ITPR1: variants seen among roughly 807,000 people sequenced by gnomAD.
ITPR1 encodes inositol 1,4,5-trisphosphate-gated calcium channel ITPR1.
A neutral mutation model predicts 318.4 loss-of-function variants in ITPR1; 96 were observed. The observed-to-expected ratio is 0.30, with a 90% CI of 0.26 to 0.36. ITPR1 has a LOEUF of 0.36. Among genes scored for constraint, ITPR1 ranks in the 10% least tolerant of loss-of-function variants. ITPR1 has a pLI of 1.00. For synonymous variants in ITPR1, 1,312 were observed against 1,289.9 expected (o/e 1.02, Z -0.37); for missense variants, 2,440 against 3,460.2 (o/e 0.71, Z 7.40).
At chr3:4,676,839 C>G in intron 24 of ITPR1, 38 bp downstream of exon 24, 3 of 1,505,024 alleles carry the variant, frequency 2.0e-6, no homozygotes, top group Non-Finnish European at 2.7e-6. Flanking sequence ...GAGGGTATGT[C>G]ACAGAGGCGC....
At chr3:4,793,275 C>T (rs540353053) in intron 52 of ITPR1, among the ~76,000 whole-genome samples, 1 of 152,184 alleles carries the variant, frequency 6.6e-6, no homozygotes, top group Non-Finnish European at 1.5e-5. Flanking sequence ...CTGCAGTACA[C>T]GCACTCACAT....
At chr3:4,621,616 T>A (rs1575761726) in intron 4 of ITPR1, among the ~76,000 whole-genome samples, 1 of 152,236 alleles carries the variant, frequency 6.6e-6, no homozygotes, top group East Asian at 1.9e-4. Flanking sequence ...TTGTGTGGTT[T>A]CCTACTGTGT....
intron 40 of ITPR1, among the ~76,000 whole-genome samples, chr3:4,723,960 A>G (rs967495405): frequency 1.3e-5 from 2 of 152,172 alleles, no homozygotes; most frequent in Non-Finnish European, 2.9e-5. Context: ...CACAGTTTTA[A>G]TTCTTTAGCA....
Position 4,521,078 on chromosome 3 carries a change from A to T in ITPR1, c.147A>T (p.Pro49=). 6.2e-7 allele frequency: 1 copy of T among 1,613,332 alleles called. No individual in the cohort carries two copies. The highest frequency in any genetic ancestry group is 2.2e-5 in the East Asian group (1 of 44,856). ...VQPETGDLNN[P]PKKFRDCLFK... ...CAGAAACCGGGGACCTTAACAATCCACCTAAGAAATTCAGAGGTAAGGTGG... is the reference window on the plus strand; with the variant it reads ...CAGAAACCGGGGACCTTAACAATCCTCCTAAGAAATTCAGAGGTAAGGTGG... Residue 49 remains proline (P), a synonymous_variant, in exon 4 of 62, where the codon CCA becomes CCT. Coordinates refer to ENST00000649015, the MANE Select transcript of ITPR1 (RefSeq NM_001378452.1).
Position 4,836,861 on chromosome 3 carries a change from C to A in ITPR1, c.8116C>A (p.Leu2706Met). ...SEGEQNELRN[L>M]QEKLESTMKL... Reference sequence around the variant, plus strand: ...AGGAGAACAGAATGAGCTGAGAAACCTGCAGGAGAAGCTGGAGTCCACCAT... The same window carrying A: ...AGGAGAACAGAATGAGCTGAGAAACATGCAGGAGAAGCTGGAGTCCACCAT... Residue 2706 changes from leucine (L) to methionine (M), a missense_variant, in exon 61 of 62, where the codon CTG becomes ATG. Coordinates refer to ENST00000649015, the MANE Select transcript of ITPR1 (RefSeq NM_001378452.1). 6.3e-7 allele frequency: 1 copy of A among 1,595,370 alleles called. No homozygotes were observed. The highest frequency in any genetic ancestry group is 2.2e-5 in the East Asian group (1 of 44,708).
chr3:4,537,030 C>T (rs1357396786), intron 4 of ITPR1, among the ~76,000 whole-genome samples: 11 of 152,196 alleles, frequency 7.2e-5, no homozygotes, highest in Admixed American at 7.2e-4. Context: ...AACACAGATT[C>T]AGGCATTTGA....
At chr3:4,639,305 G>T in intron 5 of ITPR1, 79 bp from the exon 6 acceptor site, 1 of 1,077,150 alleles carries the variant, frequency 9.3e-7, no homozygotes, top group South Asian at 1.4e-5. Context: ...ATGAACTGGC[G>T]ACATTTGTTC....
At chr3:4,700,752 A>G (rs2094635481) in intron 35 of ITPR1, among the ~76,000 whole-genome samples, 1 of 152,172 alleles carries the variant, frequency 6.6e-6, no homozygotes, top group Non-Finnish European at 1.5e-5. Context: ...GACATACCCG[A>G]TACTGGGCAA....
rs150933996 is a variant in ITPR1, at chr3:4,626,650, C to G, written c.164-1113C>G. Among the ~76,000 whole-genome samples, 295 of 152,138 alleles carry G rather than the reference C, an allele frequency of 1.9e-3. 1 individual carries two copies. The highest frequency in any genetic ancestry group is 6.9e-3 in the African/African-American group (288 of 41,468). ...AGACAATGTATAAAGTTGTATAAACCGAGGCATGCTAAATGGAAGCACATC... is the reference window on the plus strand; with the variant it reads ...AGACAATGTATAAAGTTGTATAAACGGAGGCATGCTAAATGGAAGCACATC... On this transcript the variant is annotated intron_variant, in intron 4 of 61. Coordinates refer to ENST00000649015, the MANE Select transcript of ITPR1 (RefSeq NM_001378452.1).
chr3:4,494,106 G>A (rs2080361945), intron 1 of ITPR1, among the ~76,000 whole-genome samples: 1 of 152,242 alleles, frequency 6.6e-6, no homozygotes, highest in Non-Finnish European at 1.5e-5. Flanking sequence ...CAATGAGGAT[G>A]CGGGCTTCGG....
chr3:4,589,303 G>C (rs6442889), intron 4 of ITPR1, among the ~76,000 whole-genome samples: 1 of 151,824 alleles, frequency 6.6e-6, no homozygotes, highest in South Asian at 2.1e-4. Context: ...CTCTTATTTC[G>C]TGAAAAAACA....
chr3:4,571,304 ACTT>A (rs1341536951), intron 4 of ITPR1, among the ~76,000 whole-genome samples: 1 of 151,874 alleles, frequency 6.6e-6, no homozygotes, highest in Non-Finnish European at 1.5e-5. Flanking sequence ...ACGTAATTTC[ACTT>A]CTTTTTCTTT....
chr3:4,541,444 AT>A (rs954221635), intron 4 of ITPR1, among the ~76,000 whole-genome samples: 29 of 150,204 alleles, frequency 1.9e-4, no homozygotes, highest in Middle Eastern at 3.4e-3. Context: ...CTTGCTCAGT[AT>A]TTTTTTTTCC....
intron 15 of ITPR1, among the ~76,000 whole-genome samples, 173 bp downstream of exon 15, chr3:4,662,415 A>AT (rs2093854247): frequency 6.6e-6 from 1 of 152,146 alleles, no homozygotes; most frequent in African/African-American, 2.4e-5. Flanking sequence ...TTTTGCATTC[A>AT]TTTTTTGAGT....
At chr3:4,823,095 G>A (rs1451982426) in intron 60 of ITPR1, among the ~76,000 whole-genome samples, 1 of 152,184 alleles carries the variant, frequency 6.6e-6, no homozygotes, top group Non-Finnish European at 1.5e-5. Flanking sequence ...CTGAGAATCT[G>A]TGTTAGTCTA....
chr3:4,750,427 AT>A (rs908639546), intron 44 of ITPR1: 3 of 151,214 alleles, frequency 2.0e-5, no homozygotes, highest in Admixed American at 6.6e-5. Flanking sequence ...GTCATGCTGC[AT>A]TTTTTTTTGG....
chr3:4,692,145 G>A (rs1215832444), intron 32 of ITPR1, among the ~76,000 whole-genome samples: 189 of 143,206 alleles, frequency 1.3e-3, no homozygotes, highest in Non-Finnish European at 1.9e-3. Flanking sequence ...TTGTCTCTTA[G>A]AAAAAAAATA....
At chr3:4,734,386 A>G (rs552400563) in intron 43 of ITPR1, among the ~76,000 whole-genome samples, 52 of 152,332 alleles carry the variant, frequency 3.4e-4, no homozygotes, top group African/African-American at 1.2e-3. Flanking sequence ...ACCTTGTGCT[A>G]TAGATATAAG....
chr3:4,541,293 T>C (rs1012721504), intron 4 of ITPR1, among the ~76,000 whole-genome samples: 2 of 152,226 alleles, frequency 1.3e-5, no homozygotes, highest in Non-Finnish European at 2.9e-5. Context: ...TCTATTTTGT[T>C]TGAAAATATT....
Sources: gnomAD v4.1 joint callset for allele counts (sites outside exome capture counted in the v4.1 genomes callset) on GRCh38, gnomAD v4.1.1 for gene constraint, MANE v1.5 for transcripts, NCBI Gene and HGNC (gene_info 2026-07-23, HGNC 2026-07-21) for gene names.